The following NPC1 variants were observed in gnomAD, a reference collection of about 807,000 sequenced individuals.
NPC1 encodes NPC intracellular cholesterol transporter 1, also known as Niemann-Pick C1 protein.
A neutral mutation model predicts 140.4 loss-of-function variants in NPC1; 85 were observed. The observed-to-expected ratio is 0.61, with a 90% CI of 0.51 to 0.72. The LOEUF is 0.72. Among genes scored for constraint, NPC1 ranks in the 30% least tolerant of loss-of-function variants. The pLI, the probability that NPC1 is intolerant of heterozygous loss-of-function variation, is 0.00. For missense variants in NPC1, 1,504 were observed against 1,623.8 expected (o/e 0.93, Z 1.27); for synonymous variants, 656 against 624.8 (o/e 1.05, Z -0.74).
intron 1 of NPC1, chr18:23,576,427 A>G: frequency 1.0e-6 from 1 of 980,428 alleles, no homozygotes; most frequent in Non-Finnish European, 1.2e-6. Flanking sequence ...GTCTCAAAAA[A>G]AAAGTCATCC....
chr18:23,546,594 G>A (rs2058793666), intron 11 of NPC1, among the ~76,000 whole-genome samples: 1 of 152,168 alleles, frequency 6.6e-6, no homozygotes, highest in Non-Finnish European at 1.5e-5. Flanking sequence ...ATTCATAATA[G>A]CCAAAATGGA....
At chr18:23,512,931 AT>A (rs1567917530) in intron 3 of NPC1, among the ~76,000 whole-genome samples, 1 of 151,644 alleles carries the variant, frequency 6.6e-6, no homozygotes, top group East Asian at 1.9e-4. Flanking sequence ...AGCAATCTCT[AT>A]TTTACTTTCT....
Position 23,541,453 on chromosome 18 carries a change from T to G in NPC1, c.2246-20A>C. 1 of 1,614,166 alleles carries G rather than the reference T, an allele frequency of 6.2e-7. No individual in the cohort carries two copies. The highest frequency in any genetic ancestry group is 8.5e-7 in the Non-Finnish European group (1 of 1,180,020). On this transcript the variant is annotated intron_variant, in intron 14 of 24. Transcript: ENST00000269228. ...ATGCTCCTGTCGGGGAGAGAAGGGCTCTGCGTCACTTCTGTTTACAGCCGG... is the reference window on the plus strand; with the variant it reads ...ATGCTCCTGTCGGGGAGAGAAGGGCGCTGCGTCACTTCTGTTTACAGCCGG...
chr18:23,558,572 A>G lies in NPC1; in HGVS notation c.882-1382T>C, dbSNP rs150038710. Among the ~76,000 whole-genome samples, 890 of 152,366 alleles carry G rather than the reference A, an allele frequency of 5.8e-3. 7 individuals are homozygous for G. Among genetic ancestry groups the G allele is most frequent in the African/African-American group, 0.02 (824 of 41,590 alleles). On this transcript the variant is annotated intron_variant, in intron 6 of 24. Coordinates refer to ENST00000269228, the MANE Select transcript of NPC1 (RefSeq NM_000271.5). ...TTCTGTCACAGATTAGAGGGGACTC[A>G]TAAAACACAAAAATGTAATATGGGA... is the stretch of plus-strand genomic sequence containing the variant.
intron 1 of NPC1, among the ~76,000 whole-genome samples, chr18:23,579,403 G>A (rs973822235): frequency 6.6e-5 from 10 of 152,196 alleles, no homozygotes; most frequent in Non-Finnish European, 1.3e-4. Flanking sequence ...GATTATCTAA[G>A]TTCAGAAATG....
intron 3 of NPC1, among the ~76,000 whole-genome samples, chr18:23,512,012 A>C (rs2057871313): frequency 6.7e-6 from 1 of 150,016 alleles, no homozygotes; most frequent in Non-Finnish European, 1.5e-5. Flanking sequence ...GAGAGGTAGA[A>C]AGACTTTTTT....
chr18:23,531,908 G>GT lies in NPC1; in HGVS notation c.*293_*294insA. Reference sequence around the variant, plus strand: ...TGGCCTTTACAGAGTGTCAGTGAGCGGATCACATTCACAGCCATCTAGTGT... The same window carrying GT: ...TGGCCTTTACAGAGTGTCAGTGAGCGTGATCACATTCACAGCCATCTAGTGT... On this transcript the variant is annotated 3_prime_UTR_variant, in exon 25 of 25. Coordinates refer to ENST00000269228, the MANE Select transcript of NPC1 (RefSeq NM_000271.5). 2 of 1,441,458 alleles carry GT rather than the reference G, an allele frequency of 1.4e-6. No homozygotes were observed. Among genetic ancestry groups the GT allele is most frequent in the South Asian group, 3.0e-5 (2 of 67,058 alleles). 89.3% of individuals were successfully genotyped at this position (1,441,458 alleles called of 1,614,324 possible). A position where few individuals can be genotyped will look rare whatever the true frequency, so the allele number is the denominator to read the frequency against.
downstream of NPC1, chr18:23,529,783 GA>G: frequency 6.9e-7 from 1 of 1,441,478 alleles, no homozygotes; most frequent in Admixed American, 1.7e-5. Flanking sequence ...CACTGTCTTA[GA>G]AGATGACTCA....
intron 3 of NPC1, among the ~76,000 whole-genome samples, chr18:23,569,252 A>T (rs1567977533): frequency 2.0e-5 from 3 of 152,192 alleles, no homozygotes; most frequent in Admixed American, 6.6e-5. Flanking sequence ...GCTTCTCTGA[A>T]TTCTGCACTT....
At chr18:23,520,244 G>A (rs771005240), downstream of NPC1, 28 of 1,613,908 alleles carry the variant, frequency 1.7e-5, no homozygotes, top group African/African-American at 9.4e-5. Flanking sequence ...AGAGTTTGAC[G>A]GCTCCGTTAC....
chr18:23,528,180 C>T (rs2058364179), downstream of NPC1: 3 of 299,220 alleles, frequency 1.0e-5, no homozygotes, highest in African/African-American at 6.6e-5. Flanking sequence ...CCTTGGTCTA[C>T]TGTTATAGAT....
intron 10 of NPC1, 192 bp downstream of exon 10, chr18:23,551,435 C>G: frequency 1.6e-6 from 1 of 638,564 alleles, no homozygotes; most frequent in Non-Finnish European, 2.8e-6. Context: ...AAATGGCTAA[C>G]CCAATCCACT....
In NPC1 at chr18:23,559,065, T is replaced by C. The variant is rs538148471; in HGVS notation, c.881+1166A>G. ...AAGGACATGAACTCATCATTTTTTA[T>C]GGCTGCAGAGTATTCCATGGTGTGT... On this transcript the variant is annotated intron_variant, in intron 6 of 24. Transcript: ENST00000269228. Among the ~76,000 whole-genome samples the C allele has an allele frequency of 2.8e-4, 43 of 152,386 alleles. No individual in the cohort carries two copies. In the South Asian group the frequency reaches 8.7e-3, roughly 31 times the overall value.
At chr18:23,553,591 A>C (rs2058906074) in intron 9 of NPC1, among the ~76,000 whole-genome samples, 1 of 152,182 alleles carries the variant, frequency 6.6e-6, no homozygotes, top group African/African-American at 2.4e-5. Flanking sequence ...TTAAAGGCAA[A>C]AAGGAATAAT....
chr18:23,533,531 T>A lies in NPC1; in HGVS notation c.3592-14A>T, dbSNP rs781517101. On this transcript the variant is annotated splice_polypyrimidine_tract_variant and intron_variant, in intron 23 of 24. Coordinates refer to ENST00000269228, the MANE Select transcript of NPC1 (RefSeq NM_000271.5). The stretch of plus-strand genomic sequence containing the variant: ...TCCACTGAACACCTAAAAGAAGAGA[T>A]ACTGTGTTAGAAACCACTTTTACCA... 1 of 1,613,746 alleles carries A rather than the reference T, an allele frequency of 6.2e-7. No homozygotes were observed.
chr18:23,524,583 G>T (rs1045563442), downstream of NPC1: 21 of 1,208,312 alleles, frequency 1.7e-5, no homozygotes, highest in Non-Finnish European at 2.4e-5. Context: ...TCTTAGAAAT[G>T]ACCCCTCCTT....
chr18:23,529,057 GAA>G (rs1468865511), downstream of NPC1: 2 of 1,459,548 alleles, frequency 1.4e-6, no homozygotes, highest in Middle Eastern at 1.9e-4. Flanking sequence ...TCTAAGTAGA[GAA>G]AGTGTTTTCC....
At chr18:23,574,096 A>G (rs564897893) in intron 1 of NPC1, among the ~76,000 whole-genome samples, 13 of 152,392 alleles carry the variant, frequency 8.5e-5, no homozygotes, top group African/African-American at 3.1e-4. Flanking sequence ...TGAAGTAGAA[A>G]GCAAAGAATG....
chr18:23,583,161 G>A (rs2059377340), intron 1 of NPC1, among the ~76,000 whole-genome samples: 1 of 149,158 alleles, frequency 6.7e-6, no homozygotes, highest in Non-Finnish European at 1.5e-5. Flanking sequence ...CACATTTGTA[G>A]ATGATATTGG....
Sources: gnomAD v4.1 joint callset for allele counts (sites outside exome capture counted in the v4.1 genomes callset) on GRCh38, gnomAD v4.1.1 for gene constraint, MANE v1.5 for transcripts, NCBI Gene and HGNC (gene_info 2026-07-23, HGNC 2026-07-21) for gene names.